Variants in ELP4 observed in about 807,000 individuals in gnomAD.
ELP4 encodes elongator acetyltransferase complex subunit 4, also known as elongator complex protein 4.
ELP4 carries 51 observed loss-of-function variants against 48.9 expected under a neutral mutation model. The ratio of observed to expected loss-of-function variants is 1.04; its 90% CI spans 0.83 to 1.32. ELP4 has a LOEUF of 1.32. Among genes scored for constraint, ELP4 ranks in the 40% most tolerant of loss-of-function variants. The probability of loss-of-function intolerance (pLI) is 0.00; values close to 1 mark genes in which losing one functional copy is unlikely to be tolerated. For synonymous variants in ELP4, 210 were observed against 189.2 expected (o/e 1.11, Z -0.90); for missense variants, 519 against 514.6 (o/e 1.01, Z -0.08).
At chr11:31,745,132 C>G (rs1480720787) in intron 9 of ELP4, among the ~76,000 whole-genome samples, 1 of 152,148 alleles carries the variant, frequency 6.6e-6, no homozygotes, top group Non-Finnish European at 1.5e-5. Flanking sequence ...AGTGAACTCC[C>G]ATTCACAACT....
chr11:31,718,869 C>T (rs545540924), intron 9 of ELP4, among the ~76,000 whole-genome samples: 9 of 152,280 alleles, frequency 5.9e-5, no homozygotes, highest in African/African-American at 1.9e-4. Flanking sequence ...CACTCAGATT[C>T]AAGGGGAGAA....
At chr11:31,571,543 T>C (rs1194612432) in intron 3 of ELP4, among the ~76,000 whole-genome samples, 1 of 152,242 alleles carries the variant, frequency 6.6e-6, no homozygotes, top group Admixed American at 6.5e-5. Context: ...AATATTCTTA[T>C]GGCAGCTAGA....
chr11:31,531,882 G>A lies in ELP4; in HGVS notation c.260-7780G>A, dbSNP rs1041635933. Reference sequence around the variant, plus strand: ...TTGGGAGGCTGATAGTGAGAGGTAAGGATGAATTGAACTACATTATTGTCA... The same window carrying A: ...TTGGGAGGCTGATAGTGAGAGGTAAAGATGAATTGAACTACATTATTGTCA... On this transcript the variant is annotated intron_variant, in intron 2 of 9. Coordinates refer to ENST00000640961, the MANE Select transcript of ELP4 (RefSeq NM_019040.5). 3.9e-5 allele frequency among the ~76,000 whole-genome samples: 6 copies of A among 152,186 alleles called. No individual in the cohort carries two copies. In the East Asian group the frequency reaches 9.7e-4, roughly 25 times the overall value.
At chr11:31,673,836 C>G (rs1945860363) in intron 9 of ELP4, among the ~76,000 whole-genome samples, 1 of 152,154 alleles carries the variant, frequency 6.6e-6, no homozygotes, top group Non-Finnish European at 1.5e-5. Flanking sequence ...ATATGATGCA[C>G]TAGTATTTAC....
At chr11:31,574,445 C>T (rs969690043) in intron 3 of ELP4, among the ~76,000 whole-genome samples, 1 of 152,162 alleles carries the variant, frequency 6.6e-6, no homozygotes, top group Non-Finnish European at 1.5e-5. Flanking sequence ...GTCGTTCTCC[C>T]AGCATAGAGT....
At chr11:31,750,447 C>G (rs1030490911) in intron 9 of ELP4, among the ~76,000 whole-genome samples, 4 of 151,972 alleles carry the variant, frequency 2.6e-5, no homozygotes, top group Admixed American at 6.6e-5. Flanking sequence ...AAAACCATCT[C>G]TCTTCCCTGT....
chr11:31,693,056 C>T lies in ELP4; in HGVS notation c.1143+42835C>T, dbSNP rs747600061. Among the ~76,000 whole-genome samples, 3 of 152,242 alleles carry T rather than the reference C, an allele frequency of 2.0e-5. 1 individual carries two copies. The highest frequency in any genetic ancestry group is 4.1e-4 in the South Asian group (2 of 4,820). The stretch of plus-strand genomic sequence containing the variant: ...CTAGCAGAGTTTCTGACACATGGCT[C>T]GTGCCCCATGTTTATTAGGGAAGGA... On this transcript the variant is annotated intron_variant, in intron 9 of 9. Coordinates refer to ENST00000640961, the MANE Select transcript of ELP4 (RefSeq NM_019040.5).
At chr11:31,777,013 CAATAATGCAAAA>C (rs1948262736) in intron 9 of ELP4, among the ~76,000 whole-genome samples, 1 of 151,974 alleles carries the variant, frequency 6.6e-6, no homozygotes, top group South Asian at 2.1e-4. Flanking sequence ...TCATATATGA[CAATAATGCAAAA>C]TTCAGCAGAT....
intron 9 of ELP4, among the ~76,000 whole-genome samples, chr11:31,762,893 C>G (rs1947972649): frequency 6.6e-6 from 1 of 151,044 alleles, no homozygotes; most frequent in Non-Finnish European, 1.5e-5. Flanking sequence ...AATGATCAAC[C>G]TGATACAGAT....
At chr11:31,568,418 A>G (rs757988962) in intron 3 of ELP4, among the ~76,000 whole-genome samples, 42 of 152,192 alleles carry the variant, frequency 2.8e-4, no homozygotes, top group Non-Finnish European at 6.0e-4. Context: ...GTCATTTTTC[A>G]CAGAATTAGA....
intron 3 of ELP4, among the ~76,000 whole-genome samples, chr11:31,546,555 T>C (rs562260901): frequency 2.6e-4 from 40 of 152,286 alleles, no homozygotes; most frequent in African/African-American, 9.6e-4. Flanking sequence ...AACACCCCAC[T>C]GTCAACATTA....
intron 9 of ELP4, among the ~76,000 whole-genome samples, chr11:31,736,994 G>A (rs1486755579): frequency 1.3e-5 from 2 of 152,188 alleles, no homozygotes; most frequent in Admixed American, 6.5e-5. Context: ...TACAAAGCAT[G>A]CTGCTATAAA....
At chr11:31,629,146 G>A (rs1280142996) in intron 6 of ELP4, among the ~76,000 whole-genome samples, 4 of 151,860 alleles carry the variant, frequency 2.6e-5, no homozygotes, top group African/African-American at 9.7e-5. Flanking sequence ...ACAAATTGCG[G>A]TCATAATTTC....
chr11:31,598,047 C>T (rs1957707405), intron 4 of ELP4, among the ~76,000 whole-genome samples: 1 of 149,740 alleles, frequency 6.7e-6, no homozygotes, highest in East Asian at 2.0e-4. Context: ...CCTCCGCCTC[C>T]CGGGTTCAAG....
chr11:31,704,204 A>C (rs1235703035), intron 9 of ELP4, among the ~76,000 whole-genome samples: 1 of 152,156 alleles, frequency 6.6e-6, no homozygotes, highest in East Asian at 1.9e-4. Flanking sequence ...ATCTGTTTGA[A>C]AATAGAAAAA....
In ELP4 at chr11:31,789,294, G is replaced by A. The variant is rs908234787; in HGVS notation, c.*5770G>A. ...GACATAAAACAAATTGGATTATATC[G>A]AAGACACACTCTACCTTTTAGCTAT... On this transcript the variant is annotated 3_prime_UTR_variant, in exon 10 of 10. Transcript: ENST00000640961. 4.8e-5 allele frequency: 11 copies of A among 231,112 alleles called. No individual in the cohort carries two copies. The highest frequency in any genetic ancestry group is 3.9e-4 in the Admixed American group (7 of 17,844). The allele number at this position is 231,112 out of a possible 1,614,324, so 14.3% of individuals were successfully genotyped here.
intron 2 of ELP4, among the ~76,000 whole-genome samples, chr11:31,532,346 A>G (rs535005149): frequency 3.3e-5 from 5 of 152,358 alleles, no homozygotes; most frequent in East Asian, 3.9e-4. Flanking sequence ...CATGATGTCA[A>G]TGCCTGGAGC....
intron 9 of ELP4, among the ~76,000 whole-genome samples, chr11:31,704,327 G>A (rs1946585598): frequency 6.6e-6 from 1 of 152,064 alleles, no homozygotes; most frequent in Admixed American, 6.6e-5. Flanking sequence ...ATGAGTTCAT[G>A]TCCTTTGTAG....
chr11:31,510,135 G>A, intron 1 of ELP4, 128 bp downstream of exon 1: 2 of 833,850 alleles, frequency 2.4e-6, no homozygotes, highest in Non-Finnish European at 1.9e-6. Context: ...GAATAGCCTG[G>A]TCTGATTGAG....
Sources: allele counts gnomAD v4.1 joint callset (sites outside exome capture counted in the v4.1 genomes callset), GRCh38; gene constraint gnomAD v4.1.1; transcripts MANE v1.5; gene names NCBI Gene and HGNC (gene_info 2026-07-23, HGNC 2026-07-21).